Variants in ETV3 observed in about 807,000 individuals in gnomAD.
The protein encoded by ETV3 is ETS translocation variant 3.
Under a neutral mutation model 33.0 loss-of-function variants are expected in ETV3, and 8 were observed. That is an observed-to-expected ratio of 0.24 (90% CI 0.14 to 0.44). The LOEUF (loss-of-function observed/expected upper bound fraction) is 0.44, where lower values mean the gene tolerates loss of function less well. Ranked by LOEUF, ETV3 falls within the 20% of genes least tolerant of loss-of-function variation. The pLI is 1.00. For missense variants in ETV3, 473 were observed against 652.3 expected, an observed-to-expected ratio of 0.73 and a Z score of 2.99; for synonymous variants, 222 against 238.9, an observed-to-expected ratio of 0.93 and a Z score of 0.65.
intron 4 of ETV3, chr1:157,133,357 T>C (rs547108246): frequency 4.9e-5 from 48 of 980,176 alleles, no homozygotes; most frequent in Admixed American, 6.1e-5. Context: ...TTAGAACATA[T>C]ACTGCTCAGA....
At chr1:157,138,272 T>A (rs1277208762) in intron 1 of ETV3, 44 bp downstream of exon 1, 2 of 151,358 alleles carry the variant, frequency 1.3e-5, no homozygotes, top group Non-Finnish European at 2.9e-5. Flanking sequence ...GGGTCCCGGA[T>A]CCAACCCAGA....
chr1:157,133,416 G>GA (rs1409557870), intron 4 of ETV3: 2 of 985,364 alleles, frequency 2.0e-6, no homozygotes, highest in Non-Finnish European at 2.4e-6. Context: ...TTTGCATAAG[G>GA]AAAAAAATCA....
In ETV3 at chr1:157,125,067, C is replaced by G; in HGVS notation, c.1313G>C (p.Ser438Thr). The stretch of plus-strand genomic sequence containing the variant: ...CTCCAGAGGTTCTCCACTTGGGGTG[C>G]TAATGGGCACAGAGGGCCAGATGGG... ...APPIWPSVPI[S>T]TPSGEPLEVT... Residue 438 changes from serine to threonine, a missense_variant, in exon 5 of 5, where the codon AGC (serine) becomes ACC (threonine). This residue lies in a region of ETV3 where 410 missense variants were observed against 520.2 expected (regional missense o/e 0.79). Coordinates refer to ENST00000368192, the MANE Select transcript of ETV3 (RefSeq NM_001145312.3). The surrounding 1 kb of genome is among the most constrained non-coding windows in gnomAD (Gnocchi z 4.0). 1 of 1,547,692 alleles carries G rather than the reference C, an allele frequency of 6.5e-7. No individual in the cohort carries two copies. Among genetic ancestry groups the G allele is most frequent in the Admixed American group, 2.0e-5 (1 of 50,682 alleles).
chr1:157,137,299 T>A (rs933198062), intron 1 of ETV3, among the ~76,000 whole-genome samples: 1 of 152,036 alleles, frequency 6.6e-6, no homozygotes, highest in African/African-American at 2.4e-5. Flanking sequence ...AGCATCCACA[T>A]TAGCAGGCAT....
In ETV3 at chr1:157,125,935, G is replaced by A. The variant is rs1343103303; in HGVS notation, c.445C>T (p.Arg149Trp). The A allele has an allele frequency of 2.6e-6, 4 of 1,551,556 alleles. No homozygotes were observed. The highest frequency in any genetic ancestry group is 1.4e-5 in the African/African-American group (1 of 73,060). The change falls in exon 5 of 5, where the codon CGG (arginine) becomes TGG (tryptophan). Residue 149 changes from arginine (R) to tryptophan (W), a missense_variant. By Grantham distance (101) the Arg-to-Trp change is moderately radical (BLOSUM62 -3). Transcript: ENST00000368192. The surrounding 1 kb of genome is among the most constrained non-coding windows in gnomAD (Gnocchi z 4.0). Reference protein sequence around the residue: ...SAPPVPTASSRFHFPPLDTHS... With the variant: ...SAPPVPTASSWFHFPPLDTHS... ...GTGTCCAGAGGTGGGAAATGGAACC[G>A]GGAAGAGGCTGTTGGCACTGGTGGT...
At chr1:157,127,707 G>A (rs182985794) in intron 4 of ETV3, among the ~76,000 whole-genome samples, 3 of 152,070 alleles carry the variant, frequency 2.0e-5, no homozygotes, top group South Asian at 2.1e-4. Flanking sequence ...TACCATGCCC[G>A]GCTAATTTTT....
rs1372090911 is a variant in ETV3, at chr1:157,135,717, T to A, written c.47-9A>T. 6.2e-7 allele frequency: 1 copy of A among 1,613,852 alleles called. No individual in the cohort carries two copies. Among genetic ancestry groups the A allele is most frequent in the East Asian group, 2.2e-5 (1 of 44,878 alleles). ...GTCAGGAAACTGATACCCTTTCATG[T>A]GAGAAGGTCAAGATTAAGCTAGTTA... On this transcript the variant is annotated splice_polypyrimidine_tract_variant and intron_variant, in intron 2 of 4. Coordinates refer to ENST00000368192, the MANE Select transcript of ETV3 (RefSeq NM_001145312.3).
rs1230730938 is a variant in ETV3 at position 157,121,723 on chromosome 1, A to C, written c.*3118T>G. On this transcript the variant is annotated 3_prime_UTR_variant, in exon 5 of 5. Coordinates refer to ENST00000368192, the MANE Select transcript of ETV3 (RefSeq NM_001145312.3). ...TGGAATAAATAAAAAACAAGGGACAAACAGCCAACTGACTCTACCCACTTG... is the reference window on the plus strand; with the variant it reads ...TGGAATAAATAAAAAACAAGGGACACACAGCCAACTGACTCTACCCACTTG... 6.6e-6 allele frequency: 1 copy of C among 152,248 alleles called. No individual in the cohort carries two copies. The highest frequency in any genetic ancestry group is 6.5e-5 in the Admixed American group (1 of 15,286). The allele number at this position is 152,248 out of a possible 1,614,324, so 9.4% of individuals were successfully genotyped here. A position where few individuals can be genotyped will look rare whatever the true frequency, so the allele number is the denominator to read the frequency against.
In ETV3 at chr1:157,122,896, T is replaced by C. The variant is rs1571693648; in HGVS notation, c.*1945A>G. The C allele has an allele frequency of 1.3e-5, 2 of 152,308 alleles. No homozygotes were observed. Among genetic ancestry groups the C allele is most frequent in the East Asian group, 1.9e-4 (1 of 5,180 alleles). 9.4% of individuals were successfully genotyped at this position (152,308 alleles called of 1,614,324 possible). The stretch of plus-strand genomic sequence containing the variant: ...TTCCTGGGGAAAGGTAGGTCACTCA[T>C]GGAATTTGAATCAAACATGGGGGAG... On this transcript the variant is annotated 3_prime_UTR_variant, in exon 5 of 5. Transcript: ENST00000368192.
In ETV3 at chr1:157,121,246, A is replaced by T. The variant is rs1024809927; in HGVS notation, c.*3595T>A. On this transcript the variant is annotated 3_prime_UTR_variant, in exon 5 of 5. Transcript: ENST00000368192. ...TGAGGTAAAATACTTTTTTCTTTCA[A>T]CTTCCATAACAAAATACAGAGCTAT... is the stretch of plus-strand genomic sequence containing the variant. 1 of 152,002 alleles carries T rather than the reference A, an allele frequency of 6.6e-6. No homozygotes were observed. Among genetic ancestry groups the T allele is most frequent in the African/African-American group, 2.4e-5 (1 of 41,392 alleles). 9.4% of individuals were successfully genotyped at this position (152,002 alleles called of 1,614,324 possible). A position where few individuals can be genotyped will look rare whatever the true frequency, so the allele number is the denominator to read the frequency against.
At chr1:157,137,796 T>C (rs563305444) in intron 1 of ETV3, among the ~76,000 whole-genome samples, 42 of 152,228 alleles carry the variant, frequency 2.8e-4, no homozygotes, top group Non-Finnish European at 5.7e-4. Flanking sequence ...AAACCCTCTC[T>C]TGACACTCCA....
At chr1:157,130,215 T>C (rs917957437) in intron 4 of ETV3, among the ~76,000 whole-genome samples, 1 of 152,264 alleles carries the variant, frequency 6.6e-6, no homozygotes, top group African/African-American at 2.4e-5. Context: ...TAAGGTATAC[T>C]GTAAAGGAGA....
chr1:157,135,406 C>T (rs934008772), intron 3 of ETV3, 65 bp downstream of exon 3: 2 of 1,568,806 alleles, frequency 1.3e-6, no homozygotes, highest in Admixed American at 3.5e-5. Context: ...TTTTATCTAG[C>T]ATTCACCAAA....
At chr1:157,136,112 A>AG (rs1410711778) in intron 2 of ETV3, among the ~76,000 whole-genome samples, 195 bp downstream of exon 2, 1 of 152,228 alleles carries the variant, frequency 6.6e-6, no homozygotes, top group Non-Finnish European at 1.5e-5. Flanking sequence ...TCTAAAGCTT[A>AG]GGATATGGGT....
Position 157,134,227 on chromosome 1 carries a change from T to C in ETV3, c.285A>G (p.Arg95=). Residue 95 remains arginine, a splice_region_variant and synonymous_variant, in exon 4 of 5, where the codon AGA becomes AGG. Coordinates refer to ENST00000368192, the MANE Select transcript of ETV3 (RefSeq NM_001145312.3). ...GAAGGATCCTCTTGTTGTAATAGTA[T>C]CTGTAAAAACAGGAATACATGTCCA... is the stretch of plus-strand genomic sequence containing the variant. ...MNYDKLSRAL[R]YYYNKRILHK... 6.2e-7 allele frequency: 1 copy of C among 1,611,628 alleles called. No homozygotes were observed.
rs1466674306 is a variant in ETV3, at chr1:157,134,093, A to T, written c.400+19T>A. ...TTCAATTCAAAATTAATTCCCTACC[A>T]AAAGAGTTTGTATCTTACCACTTGA... is the stretch of plus-strand genomic sequence containing the variant. On this transcript the variant is annotated intron_variant, in intron 4 of 4. Coordinates refer to ENST00000368192, the MANE Select transcript of ETV3 (RefSeq NM_001145312.3). The T allele has an allele frequency of 6.2e-7, 1 of 1,603,844 alleles. No homozygotes were observed. Among genetic ancestry groups the T allele is most frequent in the Admixed American group, 1.7e-5 (1 of 57,174 alleles).
intron 4 of ETV3, 70 bp downstream of exon 4, chr1:157,134,042 T>G (rs1311394573): frequency 6.3e-7 from 1 of 1,581,780 alleles, no homozygotes; most frequent in African/African-American, 1.4e-5. Flanking sequence ...ATGCCATGTC[T>G]TAGATTTGGA....
intron 4 of ETV3, chr1:157,133,583 CTT>C (rs1482878038): frequency 2.9e-5 from 29 of 986,586 alleles, no homozygotes; most frequent in African/African-American, 3.5e-5. Context: ...ACCCCAGAAT[CTT>C]TTTCTCTGAG....
At chr1:157,131,193 C>T (rs1200072285) in intron 4 of ETV3, among the ~76,000 whole-genome samples, 3 of 152,168 alleles carry the variant, frequency 2.0e-5, no homozygotes, top group South Asian at 2.1e-4. Context: ...ATAGACTGAG[C>T]GGTATCAAGT....
Sources: allele counts gnomAD v4.1 joint callset (sites outside exome capture counted in the v4.1 genomes callset), GRCh38; gene constraint gnomAD v4.1.1; regional missense constraint gnomAD v4.1.1; non-coding constraint Gnocchi (gnomAD v3.1); transcripts MANE v1.5; gene names NCBI Gene and HGNC (gene_info 2026-07-23, HGNC 2026-07-21).